The following ZNF630 variants were observed in gnomAD, a reference collection of about 807,000 sequenced individuals.
ZNF630 encodes zinc finger protein 630, also known as dJ54B20.2 (novel KRAB box containing C2H2 type zinc finger protein).
A neutral mutation model predicts 7.2 loss-of-function variants in ZNF630; 5 were observed. The ratio of observed to expected loss-of-function variants is 0.70; its 90% CI spans 0.36 to 1.46. The LOEUF is 1.46. ZNF630 is among the 40% of genes most tolerant of loss of function. ZNF630 has a pLI of 0.03. For missense variants in ZNF630, 461 were observed against 477.0 expected, an observed-to-expected ratio of 0.97 and a Z score of 0.31; for synonymous variants, 158 against 162.8, an observed-to-expected ratio of 0.97 and a Z score of 0.23.
rs1402163485 is a variant in ZNF630, at chrX:48,066,955, G to A, written c.-69C>T. 6 of 1,100,127 alleles carry A rather than the reference G, an allele frequency of 5.5e-6. No homozygotes were observed. The highest frequency in any genetic ancestry group is 7.5e-6 in the Non-Finnish European group (6 of 799,149). 90.7% of individuals were successfully genotyped at this position (1,100,127 alleles called of 1,213,427 possible). A position where few individuals can be genotyped will look rare whatever the true frequency, so the allele number is the denominator to read the frequency against. ...CAGAAGAGTCTTCGGAGATCAAGCT[G>A]AGTTAACCACTCTTCAACAGCTGGA... On this transcript the variant is annotated 5_prime_UTR_variant, in exon 2 of 5. Coordinates refer to ENST00000276054, the MANE Select transcript of ZNF630 (RefSeq NM_001282201.2).
intron 1 of ZNF630, among the ~76,000 whole-genome samples, chrX:48,068,155 GGGAGGGAGGAA>G (rs2059139890): frequency 1.1e-5 from 1 of 91,077 alleles, no homozygotes; most frequent in Non-Finnish European, 2.2e-5. Flanking sequence ...AAGGAAGGGA[GGGAGGGAGGAA>G]GAAGGAAGGA....
Position 48,068,212 on chromosome X carries a change from AGAAAAGAAAAAAGAAAAG to A in ZNF630, c.-175-1169_-175-1152del, listed in dbSNP as rs1402208535. Among the ~76,000 whole-genome samples the A allele has an allele frequency of 8.2e-5, 5 of 60,764 alleles. No individual in the cohort carries two copies. The East Asian group carries it at 9.1e-3, about 111-fold the overall frequency. 52.8% of individuals were successfully genotyped at this position (60,764 alleles called of 115,157 possible). On this transcript the variant is annotated intron_variant, in intron 1 of 4. Coordinates refer to ENST00000276054, the MANE Select transcript of ZNF630 (RefSeq NM_001282201.2). ...GAAGGAAGGAAGGAAAGAAAAGAAA[AGAAAAGAAAAAAGAAAAG>A]AAAAGAAAAGAAAAGAGGGAGGGAG... is the stretch of plus-strand genomic sequence containing the variant.
rs57262250 is a variant in ZNF630 at position 48,068,261 on chromosome X, G to GAGGAAGGA, written c.-175-1208_-175-1201dup. On this transcript the variant is annotated intron_variant, in intron 1 of 4. Transcript: ENST00000276054. ...AAAAGAAAAGAGGGAGGGAGGGAGA[G>GAGGAAGGA]AGGAAGGAAGGAAGGAAGGAAGGAA... Among the ~76,000 whole-genome samples the GAGGAAGGA allele has an allele frequency of 8.2e-3, 762 of 93,257 alleles. 22 individuals are homozygous for GAGGAAGGA. Among genetic ancestry groups the GAGGAAGGA allele is most frequent in the African/African-American group, 0.029 (732 of 25,458 alleles). 81.0% of individuals were successfully genotyped at this position (93,257 alleles called of 115,157 possible).
chrX:48,062,973 AGAGGGAGG>A (rs1228967072), intron 2 of ZNF630, among the ~76,000 whole-genome samples: 5 of 55,689 alleles, frequency 9.0e-5, no homozygotes, highest in East Asian at 5.6e-4. Context: ...AGAGAGAGAG[AGAGGGAGG>A]GAGGGAGGGA....
chrX:48,062,808 C>A lies in ZNF630; in HGVS notation c.16-1863G>T, dbSNP rs568703237. Among the ~76,000 whole-genome samples, 69 of 110,495 alleles carry A rather than the reference C, an allele frequency of 6.2e-4. 1 individual carries two copies. The South Asian group carries it at 0.026, about 42-fold the overall frequency. ...ACAAAAAATTAGCCGGGTGTGGTGG[C>A]ACACACCTATAGTCCCAGCTACTAG... On this transcript the variant is annotated intron_variant, in intron 2 of 4. Transcript: ENST00000276054.
At chrX:48,062,998 A>AGGG (rs2059114162) in intron 2 of ZNF630, among the ~76,000 whole-genome samples, 12 of 65,756 alleles carry the variant, frequency 1.8e-4, no homozygotes, top group African/African-American at 4.4e-4. Flanking sequence ...GGGAGGGAGG[A>AGGG]AGGAAGGAAG....
At chrX:48,062,254 C>T (rs1174842548) in intron 2 of ZNF630, among the ~76,000 whole-genome samples, 6 of 111,989 alleles carry the variant, frequency 5.4e-5, no homozygotes, top group Non-Finnish European at 1.1e-4. Context: ...TCCTCTGACT[C>T]GCAATTTGGT....
At chrX:48,060,269 AC>A in intron 4 of ZNF630, 66 bp from the exon 5 acceptor site, 3 of 930,045 alleles carry the variant, frequency 3.2e-6, no homozygotes, top group Non-Finnish European at 4.3e-6. Context: ...ACACACACAC[AC>A]ACACACACAC....
rs1556909102 is a variant in ZNF630, at chrX:48,060,945, C to G, written c.16G>C (p.Glu6Gln). MIESQ[E>Q]PVTFEDVAVD... is the part of the protein sequence containing the mutation. ...GCCACATCCTCAAATGTCACTGGTT[C>G]CTATAACAGCACATTCCTGTACAAT... Residue 6 changes from glutamate to glutamine, a missense_variant and splice_region_variant, in exon 3 of 5, where the codon GAA becomes CAA. Glu to Gln is a conservative substitution (Grantham distance 29). Transcript: ENST00000276054. 8.3e-7 allele frequency: 1 copy of G among 1,197,692 alleles called. No homozygotes were observed. Among genetic ancestry groups the G allele is most frequent in the Non-Finnish European group, 1.1e-6 (1 of 886,923 alleles).
intron 1 of ZNF630, among the ~76,000 whole-genome samples, chrX:48,070,046 G>A (rs2059153132): frequency 3.8e-5 from 4 of 106,298 alleles, no homozygotes; most frequent in Non-Finnish European, 3.9e-5. Flanking sequence ...TTTTAGTAGA[G>A]ACGGGGTTTC....
rs1556908615 is a variant in ZNF630, at chrX:48,059,413, T to C, written c.1029A>G (p.Gly343=). The part of the protein sequence containing the change: ...PFTVHQRVHT[G]EKPYECFECP... ...ACTCAAAACACTCATAGGGTTTCTC[T>C]CCAGTATGGACTCTCTGATGAACAG... Residue 343 remains glycine, a synonymous_variant, in exon 5 of 5, where the codon GGA becomes GGG. Coordinates refer to ENST00000276054, the MANE Select transcript of ZNF630 (RefSeq NM_001282201.2). 1.7e-6 allele frequency: 2 copies of C among 1,208,031 alleles called. No homozygotes were observed. The highest frequency in any genetic ancestry group is 3.5e-5 in the South Asian group (2 of 56,902).
chrX:48,069,074 T>C (rs1459181562), intron 1 of ZNF630, among the ~76,000 whole-genome samples: 2 of 109,852 alleles, frequency 1.8e-5, no homozygotes, highest in Non-Finnish European at 3.8e-5. Context: ...ACCTCGTTTC[T>C]ACAAAAAATA....
chrX:48,060,266 C>T, intron 4 of ZNF630, 63 bp from the exon 5 acceptor site: 4 of 908,304 alleles, frequency 4.4e-6, no homozygotes, highest in Non-Finnish European at 5.9e-6. Context: ...CACACACACA[C>T]ACACACACAC....
chrX:48,066,918 CGGGGT>C lies in ZNF630; in HGVS notation c.-37_-33del. 8.3e-7 allele frequency: 1 copy of C among 1,197,927 alleles called. No individual in the cohort carries two copies. Among genetic ancestry groups the C allele is most frequent in the Non-Finnish European group, 1.1e-6 (1 of 885,571 alleles). ...TTTCTCTTTGGAAAGCAGTTGGGGGCGGGGTGGGGTGCAGAAGAGTCTTCGGAGAT... is the reference window on the plus strand; with the variant it reads ...TTTCTCTTTGGAAAGCAGTTGGGGGCGGGGTGCAGAAGAGTCTTCGGAGAT... On this transcript the variant is annotated 5_prime_UTR_variant, in exon 2 of 5. Coordinates refer to ENST00000276054, the MANE Select transcript of ZNF630 (RefSeq NM_001282201.2).
In ZNF630 at chrX:48,059,998, A is replaced by T. The variant is rs142721273; in HGVS notation, c.444T>A (p.Thr148=). The change falls in exon 5 of 5, where the codon ACT becomes ACA. Residue 148 remains threonine, a synonymous_variant. Coordinates refer to ENST00000276054, the MANE Select transcript of ZNF630 (RefSeq NM_001282201.2). ...CACTGTACTTGGAACCCATCTCATCAGTCAATGTTTCACGACTGATGACTG... is the reference window on the plus strand; with the variant it reads ...CACTGTACTTGGAACCCATCTCATCTGTCAATGTTTCACGACTGATGACTG... ...QVTVISRETL[T]DEMGSKYSAF... The T allele has an allele frequency of 8.1e-4, 972 of 1,206,500 alleles. 4 individuals are homozygous for T. The highest frequency in any genetic ancestry group is 9.7e-4 in the Non-Finnish European group (868 of 892,894).
chrX:48,069,013 G>A (rs1556910574), intron 1 of ZNF630, among the ~76,000 whole-genome samples: 1 of 111,021 alleles, frequency 9.0e-6, no homozygotes, highest in Non-Finnish European at 1.9e-5. Context: ...GCCAAGGCAA[G>A]AGGATTGCTT....
At position 48,059,310 on chromosome X, in the gene ZNF630, T is replaced by G. The variant is rs782697901; in HGVS notation, c.1132A>C (p.Ser378Arg). Residue 378 changes from serine to arginine, a missense_variant, in exon 5 of 5, where the codon AGT becomes CGT. Physicochemically the swap from Ser to Arg is moderately radical, Grantham distance 110. Coordinates refer to ENST00000276054, the MANE Select transcript of ZNF630 (RefSeq NM_001282201.2). Reference protein sequence around the residue: ...VHTREKPFECSECRKAFCEMS... With the variant: ...VHTREKPFECRECRKAFCEMS... ...TCACAGAAGGCTTTCCTGCATTCAC[T>G]GCATTCAAAGGGCTTCTCTCTGGTA... 2.5e-6 allele frequency: 3 copies of G among 1,208,714 alleles called. No individual in the cohort carries two copies. The highest frequency in any genetic ancestry group is 3.4e-6 in the Non-Finnish European group (3 of 893,289).
intron 4 of ZNF630, 32 bp downstream of exon 4, chrX:48,060,418 C>T (rs782352488): frequency 8.8e-7 from 1 of 1,138,034 alleles, no homozygotes; most frequent in East Asian, 3.0e-5. Context: ...GAAGAAGATG[C>T]CCGCTTGACC....
intron 1 of ZNF630, among the ~76,000 whole-genome samples, chrX:48,070,156 C>T (rs1208607079): frequency 9.2e-6 from 1 of 109,061 alleles, no homozygotes; most frequent in Non-Finnish European, 1.9e-5. Flanking sequence ...CCACGCCCAG[C>T]CGATATTGTC....
Sources: allele counts gnomAD v4.1 joint callset (sites outside exome capture counted in the v4.1 genomes callset), GRCh38; gene constraint gnomAD v4.1.1; transcripts MANE v1.5; gene names NCBI Gene and HGNC (gene_info 2026-07-23, HGNC 2026-07-21).